Variants in GALNT18 observed in about 807,000 individuals in gnomAD.
GALNT18 encodes the protein GalNAc-transferase 18.
A neutral mutation model predicts 69.5 loss-of-function variants in GALNT18; 44 were observed. That is an observed-to-expected ratio of 0.63 (90% CI 0.50 to 0.81). The LOEUF (loss-of-function observed/expected upper bound fraction) is 0.81. GALNT18 is among the 40% of genes least tolerant of loss of function. GALNT18 has a pLI of 0.00. For synonymous variants in GALNT18, 364 were observed against 318.2 expected, an observed-to-expected ratio of 1.14 and a Z score of -1.53; for missense variants, 715 against 810.0, an observed-to-expected ratio of 0.88 and a Z score of 1.42.
At chr11:11,281,901 C>T (rs1849083886) in intron 10 of GALNT18, among the ~76,000 whole-genome samples, 1 of 151,816 alleles carries the variant, frequency 6.6e-6, no homozygotes, top group Non-Finnish European at 1.5e-5. Flanking sequence ...AGGAGAGCTC[C>T]CTCCCTGGAG....
intron 8 of GALNT18, among the ~76,000 whole-genome samples, chr11:11,331,906 C>G (rs1303237046): frequency 1.3e-5 from 2 of 152,074 alleles, no homozygotes; most frequent in Non-Finnish European, 2.9e-5. Flanking sequence ...CCTGTACGGT[C>G]CAGGGAATAT....
At position 11,270,992 on chromosome 11, in the gene GALNT18, C is replaced by G; in HGVS notation, c.*152G>C. ...CTACCAATCAGCATCTTTCTATAAA[C>G]TCCATGAAAATTGAATAGGAAATAA... is the stretch of plus-strand genomic sequence containing the variant. On this transcript the variant is annotated 3_prime_UTR_variant, in exon 11 of 11. Transcript: ENST00000227756. 1.6e-6 allele frequency: 1 copy of G among 611,054 alleles called. No individual in the cohort carries two copies. The highest frequency in any genetic ancestry group is 2.8e-5 in the South Asian group (1 of 35,338). 37.9% of individuals were successfully genotyped at this position (611,054 alleles called of 1,614,324 possible).
intron 1 of GALNT18, among the ~76,000 whole-genome samples, chr11:11,577,441 A>C (rs775405174): frequency 6.6e-6 from 1 of 152,158 alleles, no homozygotes; most frequent in Non-Finnish European, 1.5e-5. Context: ...GTATATCAGC[A>C]GCTGAGTCAC....
intron 1 of GALNT18, among the ~76,000 whole-genome samples, chr11:11,612,369 C>T (rs1859928938): frequency 6.6e-6 from 1 of 152,210 alleles, no homozygotes; most frequent in Non-Finnish European, 1.5e-5. Flanking sequence ...ATCTTTAATT[C>T]TCTATATGCC....
chr11:11,312,209 A>G (rs1315903006), intron 9 of GALNT18, among the ~76,000 whole-genome samples: 1 of 152,146 alleles, frequency 6.6e-6, no homozygotes, highest in Non-Finnish European at 1.5e-5. Flanking sequence ...TCGGCCTCCC[A>G]AAGTGCTGGG....
chr11:11,363,885 A>G, intron 6 of GALNT18, among the ~76,000 whole-genome samples: 1 of 151,108 alleles, frequency 6.6e-6, no homozygotes, highest in East Asian at 1.9e-4. Flanking sequence ...CATGGCAGGG[A>G]AGCCATTAAA....
intron 1 of GALNT18, among the ~76,000 whole-genome samples, chr11:11,501,330 G>A (rs867465978): frequency 6.6e-6 from 1 of 152,220 alleles, no homozygotes; most frequent in African/African-American, 2.4e-5. Flanking sequence ...GAATGAATAA[G>A]TGACAGAGGG....
rs1373712603 is a variant in GALNT18, at chr11:11,494,466, T to C, written c.236-45530A>G. On this transcript the variant is annotated intron_variant, in intron 1 of 10. Coordinates refer to ENST00000227756, the MANE Select transcript of GALNT18 (RefSeq NM_198516.3). The surrounding 1 kb of genome is among the most constrained non-coding windows in gnomAD (Gnocchi z 5.7). ...CAAGAGGTTTCACACCATCTTAGTG[T>C]CCTGCAAAGCTCAGCTCAAACTCGC... Among the ~76,000 whole-genome samples the C allele has an allele frequency of 6.6e-6, 1 of 152,194 alleles. No individual in the cohort carries two copies. The highest frequency in any genetic ancestry group is 1.5e-5 in the Non-Finnish European group (1 of 68,042).
At chr11:11,557,698 G>T (rs1385950400) in intron 1 of GALNT18, among the ~76,000 whole-genome samples, 1 of 152,162 alleles carries the variant, frequency 6.6e-6, no homozygotes, top group African/African-American at 2.4e-5. Context: ...ATATGGAAGG[G>T]GAATTGGGGA....
chr11:11,567,982 T>A (rs1858693897), intron 1 of GALNT18, among the ~76,000 whole-genome samples: 1 of 152,172 alleles, frequency 6.6e-6, no homozygotes, highest in Admixed American at 6.5e-5. Context: ...GCCTTGTGAC[T>A]CACAAAGGCC....
chr11:11,284,490 T>G (rs544199185), intron 10 of GALNT18, among the ~76,000 whole-genome samples: 43 of 152,244 alleles, frequency 2.8e-4, no homozygotes, highest in South Asian at 1.0e-3. Context: ...ATGACCCCCT[T>G]TCAGGAAAGG....
Position 11,340,493 on chromosome 11 carries a change from T to TG in GALNT18, c.1278+325_1278+326insC. Among the ~76,000 whole-genome samples the TG allele has an allele frequency of 6.6e-6, 1 of 152,208 alleles. No individual in the cohort carries two copies. Among genetic ancestry groups the TG allele is most frequent in the Non-Finnish European group, 1.5e-5 (1 of 68,036 alleles). On this transcript the variant is annotated intron_variant, in intron 7 of 10. Transcript: ENST00000227756. The surrounding 1 kb of genome is among the most constrained non-coding windows in gnomAD (Gnocchi z 4.2). ...TTGTAATCCAGGACCATGAAACATC[T>TG]AATGTCAGAGAAGCTGAGGACCTGG...
Position 11,505,912 on chromosome 11 carries a change from G to A in GALNT18, c.236-56976C>T, listed in dbSNP as rs1035814814. ...GCCATCCATCCTCACTCCTCTGAAA[G>A]GAAGTCATCCTCCCCTATGGCCTTC... On this transcript the variant is annotated intron_variant, in intron 1 of 10. Coordinates refer to ENST00000227756, the MANE Select transcript of GALNT18 (RefSeq NM_198516.3). The surrounding 1 kb of genome is among the most constrained non-coding windows in gnomAD (Gnocchi z 4.6). 1.3e-5 allele frequency among the ~76,000 whole-genome samples: 2 copies of A among 152,154 alleles called. No homozygotes were observed. The highest frequency in any genetic ancestry group is 4.8e-5 in the African/African-American group (2 of 41,432).
rs181311915 is a variant in GALNT18 at position 11,564,469 on chromosome 11, A to G, written c.235+56890T>C. Among the ~76,000 whole-genome samples the G allele has an allele frequency of 4.2e-4, 64 of 152,246 alleles. 1 individual carries two copies. The East Asian group carries it at 0.011, about 26-fold the overall frequency. Reference sequence around the variant, plus strand: ...ACATGAGACCCCCCTGGGTCTTCTCATCCATGCCTCCCTTCTTTTCTTCCC... The same window carrying G: ...ACATGAGACCCCCCTGGGTCTTCTCGTCCATGCCTCCCTTCTTTTCTTCCC... On this transcript the variant is annotated intron_variant, in intron 1 of 10. Coordinates refer to ENST00000227756, the MANE Select transcript of GALNT18 (RefSeq NM_198516.3). This position sits in a 1 kb window ranked among gnomAD's most constrained non-coding sequence, Gnocchi z 4.3.
In GALNT18 at chr11:11,332,841, G is replaced by A. The variant is rs374751617; in HGVS notation, c.1279-10C>T. ...TGTCAATTCCTGAGTCCTGCACAGG[G>A]ACGCAGAAGCAGAGATGAAGCCACT... is the stretch of plus-strand genomic sequence containing the variant. On this transcript the variant is annotated splice_polypyrimidine_tract_variant and intron_variant, in intron 7 of 10. Transcript: ENST00000227756. This position sits in a 1 kb window ranked among gnomAD's most constrained non-coding sequence, Gnocchi z 4.3. 105 of 1,611,910 alleles carry A rather than the reference G, an allele frequency of 6.5e-5. No homozygotes were observed. The highest frequency in any genetic ancestry group is 8.4e-5 in the Non-Finnish European group (99 of 1,179,846).
chr11:11,482,756 A>C (rs1856561637), intron 1 of GALNT18, among the ~76,000 whole-genome samples: 1 of 152,222 alleles, frequency 6.6e-6, no homozygotes, highest in African/African-American at 2.4e-5. Context: ...TTCTTCAGCA[A>C]TCTTATGAAA....
At position 11,419,617 on chromosome 11, in the gene GALNT18, A is replaced by G. The variant is rs1277305827; in HGVS notation, c.595+13004T>C. Among the ~76,000 whole-genome samples the G allele has an allele frequency of 6.0e-5, 9 of 150,500 alleles. No individual in the cohort carries two copies. In the South Asian group the frequency reaches 8.4e-4, roughly 14 times the overall value. ...GTCTCAAAAAAAAAAAAAAAAAAAAAAAAAAGAAAGAAGGAAAAGAAACCA... is the reference window on the plus strand; with the variant it reads ...GTCTCAAAAAAAAAAAAAAAAAAAAGAAAAAGAAAGAAGGAAAAGAAACCA... On this transcript the variant is annotated intron_variant, in intron 3 of 10. Coordinates refer to ENST00000227756, the MANE Select transcript of GALNT18 (RefSeq NM_198516.3).
chr11:11,474,980 G>A (rs918858258), intron 1 of GALNT18, among the ~76,000 whole-genome samples: 1 of 152,190 alleles, frequency 6.6e-6, no homozygotes, highest in Admixed American at 6.5e-5. Flanking sequence ...TGAGCAAAAT[G>A]TCCCTGAGTC....
intron 3 of GALNT18, among the ~76,000 whole-genome samples, chr11:11,429,931 G>A (rs1855228914): frequency 6.6e-6 from 1 of 152,128 alleles, no homozygotes; most frequent in South Asian, 2.1e-4. Flanking sequence ...CTTGAGTCCA[G>A]GAGTTTGAGA....
Sources: gnomAD v4.1 joint callset for allele counts (sites outside exome capture counted in the v4.1 genomes callset) on GRCh38, gnomAD v4.1.1 for gene constraint, Gnocchi (gnomAD v3.1) non-coding constraint, MANE v1.5 for transcripts, NCBI Gene and HGNC (gene_info 2026-07-23, HGNC 2026-07-21) for gene names.